The following SLC26A7 variants were observed in gnomAD, a reference collection of about 807,000 sequenced individuals.
The protein encoded by SLC26A7 is solute carrier family 26 member 7, also known as anion exchange transporter.
In SLC26A7, 59 loss-of-function variants were observed where a neutral mutation model predicts 82.5. The observed-to-expected ratio is 0.72, with a 90% CI of 0.58 to 0.89. SLC26A7 has a LOEUF of 0.89. Ranked by LOEUF, SLC26A7 falls within the 40% of genes least tolerant of loss-of-function variation. SLC26A7 has a pLI of 0.00. For missense variants in SLC26A7, 820 were observed against 793.0 expected (o/e 1.03, Z -0.41); for synonymous variants, 271 against 274.3 (o/e 0.99, Z 0.12).
chr8:91,281,424 A>G (rs749503934), intron 2 of SLC26A7, among the ~76,000 whole-genome samples: 3 of 152,176 alleles, frequency 2.0e-5, no homozygotes, highest in Non-Finnish European at 4.4e-5. Context: ...TCAGCCCTCC[A>G]TATCCAGAAG....
upstream of SLC26A7, among the ~76,000 whole-genome samples, chr8:91,247,329 C>T (rs1352534270): frequency 6.6e-6 from 1 of 152,092 alleles, no homozygotes; most frequent in Non-Finnish European, 1.5e-5. Context: ...GTCATTGAAA[C>T]TTTTGAATGA....
chr8:91,380,859 G>T (rs947092058), intron 15 of SLC26A7, among the ~76,000 whole-genome samples: 3 of 152,144 alleles, frequency 2.0e-5, no homozygotes, highest in African/African-American at 7.2e-5. Context: ...AATATTGTTT[G>T]TAACTGTCCA....
chr8:91,251,141 T>C (rs1810645834), intron 2 of SLC26A7, among the ~76,000 whole-genome samples: 1 of 152,152 alleles, frequency 6.6e-6, no homozygotes, highest in African/African-American at 2.4e-5. Context: ...TAAAAATAAT[T>C]TCTTTTTTTA....
chr8:91,336,875 T>A (rs1813258847), intron 6 of SLC26A7, among the ~76,000 whole-genome samples: 1 of 152,138 alleles, frequency 6.6e-6, no homozygotes, highest in Non-Finnish European at 1.5e-5. Flanking sequence ...TATGGCATAT[T>A]TTCTTTATAG....
At chr8:91,390,158 T>C (rs1424105356) in intron 16 of SLC26A7, among the ~76,000 whole-genome samples, 3 of 149,936 alleles carry the variant, frequency 2.0e-5, no homozygotes, top group African/African-American at 4.9e-5. Context: ...TCGCCCAGGC[T>C]GGAGTGCAGT....
At chr8:91,376,829 G>A (rs1814530261) in intron 15 of SLC26A7, among the ~76,000 whole-genome samples, 1 of 152,160 alleles carries the variant, frequency 6.6e-6, no homozygotes, top group African/African-American at 2.4e-5. Flanking sequence ...GCAGTGGGGC[G>A]AGCACCAGAT....
intron 4 of SLC26A7, among the ~76,000 whole-genome samples, chr8:91,304,904 T>G (rs1473831054): frequency 6.6e-6 from 1 of 152,192 alleles, no homozygotes; most frequent in East Asian, 1.9e-4. Context: ...CTTGTATGAC[T>G]CCTCTGTGTC....
In SLC26A7 at chr8:91,264,067, T is replaced by A. The variant is rs559163447; in HGVS notation, c.193+14223T>A. Among the ~76,000 whole-genome samples the A allele has an allele frequency of 4.6e-5, 7 of 152,154 alleles. No individual in the cohort carries two copies. In the South Asian group the frequency reaches 1.5e-3, roughly 32 times the overall value. On this transcript the variant is annotated intron_variant, in intron 2 of 18. Transcript: ENST00000276609. Reference sequence around the variant, plus strand: ...AAATTGAGATCCAAATCCATGTTGCTCCGCTTTCCTAAATGTTACTACCTC... The same window carrying A: ...AAATTGAGATCCAAATCCATGTTGCACCGCTTTCCTAAATGTTACTACCTC...
intron 4 of SLC26A7, among the ~76,000 whole-genome samples, chr8:91,298,492 C>G (rs1206999488): frequency 6.6e-6 from 1 of 151,972 alleles, no homozygotes; most frequent in African/African-American, 2.4e-5. Context: ...TAAGACATTA[C>G]TTAGAGAACA....
intron 1 of SLC26A7, among the ~76,000 whole-genome samples, chr8:91,213,999 A>C (rs1467995829): frequency 6.6e-6 from 1 of 151,862 alleles, no homozygotes; most frequent in East Asian, 1.9e-4. Flanking sequence ...ATGTGGGGGA[A>C]AACCGGTGAG....
chr8:91,276,386 T>C (rs1811407676), intron 2 of SLC26A7, among the ~76,000 whole-genome samples: 1 of 152,212 alleles, frequency 6.6e-6, no homozygotes, highest in Non-Finnish European at 1.5e-5. Context: ...TTGACATTTT[T>C]TTACTTTTCA....
chr8:91,253,354 C>G (rs957612353), intron 2 of SLC26A7, among the ~76,000 whole-genome samples: 1 of 152,126 alleles, frequency 6.6e-6, no homozygotes, highest in Non-Finnish European at 1.5e-5. Flanking sequence ...CTGCCAGGTT[C>G]TTTTGTTTCT....
chr8:91,336,271 A>G (rs886436991), intron 6 of SLC26A7, among the ~76,000 whole-genome samples: 5 of 151,926 alleles, frequency 3.3e-5, no homozygotes, highest in Non-Finnish European at 7.4e-5. Context: ...GGGGTCCTCA[A>G]TCTCTGGGCC....
intron 9 of SLC26A7, among the ~76,000 whole-genome samples, chr8:91,350,724 T>C (rs1813690585): frequency 6.6e-6 from 1 of 152,128 alleles, no homozygotes; most frequent in Non-Finnish European, 1.5e-5. Flanking sequence ...TATTCACCAA[T>C]TAGTTGATAT....
At position 91,249,664 on chromosome 8, in the gene SLC26A7, A is replaced by C. The variant is rs764366425; in HGVS notation, c.13A>C (p.Lys5Gln). 2.6e-6 allele frequency: 4 copies of C among 1,532,234 alleles called. No homozygotes were observed. In the African/African-American group the frequency reaches 5.7e-5, roughly 22 times the overall value. 94.9% of individuals were successfully genotyped at this position (1,532,234 alleles called of 1,614,324 possible). A position where few individuals can be genotyped will look rare whatever the true frequency, so the allele number is the denominator to read the frequency against. MTGA[K>Q]RKKKSMLWSK... ...AGAAATCTGAAAAATGACAGGAGCAAAGAGGAAAAAGAAAAGCATGCTTTG... is the reference window on the plus strand; with the variant it reads ...AGAAATCTGAAAAATGACAGGAGCACAGAGGAAAAAGAAAAGCATGCTTTG... Residue 5 changes from lysine to glutamine, a missense_variant, in exon 2 of 19, where the codon AAG (lysine) becomes CAG (glutamine). Transcript: ENST00000276609.
At chr8:91,249,890 C>T in intron 2 of SLC26A7, 46 bp downstream of exon 2, 1 of 1,378,586 alleles carries the variant, frequency 7.3e-7, no homozygotes, top group African/African-American at 1.5e-5. Flanking sequence ...GAGTAGATGT[C>T]ACTTTGCTTC....
At chr8:91,250,682 TA>T (rs1810635101) in intron 2 of SLC26A7, among the ~76,000 whole-genome samples, 1 of 152,170 alleles carries the variant, frequency 6.6e-6, no homozygotes, top group Non-Finnish European at 1.5e-5. Context: ...TGCAGGCTTA[TA>T]TTTCCTTGCA....
At chr8:91,385,651 T>C (rs1814780504) in intron 15 of SLC26A7, among the ~76,000 whole-genome samples, 1 of 152,112 alleles carries the variant, frequency 6.6e-6, no homozygotes, top group Admixed American at 6.5e-5. Flanking sequence ...CAGAGGAAGT[T>C]GGATAAAAAA....
At chr8:91,243,428 T>A (rs1165747843) in intron 2 of SLC26A7, among the ~76,000 whole-genome samples, 1 of 152,182 alleles carries the variant, frequency 6.6e-6, no homozygotes, top group Non-Finnish European at 1.5e-5. Flanking sequence ...TAGAAAAGTT[T>A]GCAACCATGG....
Sources: gnomAD v4.1 joint callset for allele counts (sites outside exome capture counted in the v4.1 genomes callset) on GRCh38, gnomAD v4.1.1 for gene constraint, MANE v1.5 for transcripts, NCBI Gene and HGNC (gene_info 2026-07-23, HGNC 2026-07-21) for gene names.